Variants in RAD51B observed in about 807,000 individuals in gnomAD.
RAD51B encodes DNA repair protein RAD51 homolog 2.
Under a neutral mutation model 42.2 loss-of-function variants are expected in RAD51B, and 38 were observed. That is an observed-to-expected ratio of 0.90 (90% CI 0.70 to 1.18). The LOEUF is 1.18. RAD51B is among the 50% of genes most tolerant of loss of function. RAD51B has a pLI of 0.00. For missense variants in RAD51B, 373 were observed against 400.7 expected (o/e 0.93, Z 0.59); for synonymous variants, 154 against 145.2 (o/e 1.06, Z -0.43).
At chr14:67,934,959 C>A (rs921973192) in intron 7 of RAD51B, among the ~76,000 whole-genome samples, 3 of 152,234 alleles carry the variant, frequency 2.0e-5, no homozygotes, top group Non-Finnish European at 4.4e-5. Context: ...ACCATACTCT[C>A]CTCTGCTATA....
intron 4 of RAD51B, among the ~76,000 whole-genome samples, chr14:67,836,769 T>A (rs1402943120): frequency 6.6e-6 from 1 of 152,142 alleles, no homozygotes; most frequent in Non-Finnish European, 1.5e-5. Context: ...CTGGCCAACC[T>A]TTTGGAGGAA....
intron 7 of RAD51B, among the ~76,000 whole-genome samples, chr14:68,200,196 A>G (rs1206387954): frequency 6.6e-6 from 1 of 152,030 alleles, no homozygotes; most frequent in Non-Finnish European, 1.5e-5. Context: ...TTTTTTAATC[A>G]TTTCTTTTGT....
chr14:68,423,193 T>TATAA (rs1409353263), intron 9 of RAD51B, among the ~76,000 whole-genome samples: 2 of 152,226 alleles, frequency 1.3e-5, no homozygotes, highest in Non-Finnish European at 2.9e-5. Flanking sequence ...ACTGGGATTA[T>TATAA]GATCTGTGAT....
intron 11 of RAD51B, among the ~76,000 whole-genome samples, chr14:68,664,936 C>T (rs1893002734): frequency 6.6e-6 from 1 of 152,182 alleles, no homozygotes; most frequent in Non-Finnish European, 1.5e-5. Context: ...CCAATGTGCC[C>T]CACTCCTATT....
intron 7 of RAD51B, among the ~76,000 whole-genome samples, chr14:68,158,779 T>A (rs549145096): frequency 6.6e-6 from 1 of 152,330 alleles, no homozygotes; most frequent in East Asian, 1.9e-4. Context: ...CCTGAATAAT[T>A]TCCTTTTCCT....
intron 7 of RAD51B, among the ~76,000 whole-genome samples, chr14:68,280,169 T>A (rs2139620566): frequency 6.6e-6 from 1 of 152,348 alleles, no homozygotes; most frequent in South Asian, 2.1e-4. Context: ...GACTCAGTGT[T>A]TCCAACTCTA....
At chr14:67,928,181 T>C (rs886545924) in intron 7 of RAD51B, among the ~76,000 whole-genome samples, 3 of 152,152 alleles carry the variant, frequency 2.0e-5, no homozygotes, top group Non-Finnish European at 4.4e-5. Context: ...TTGATACTCA[T>C]TATGTTCAGG....
At chr14:68,517,228 G>GGGAAT (rs1332481144) in intron 10 of RAD51B, among the ~76,000 whole-genome samples, 4 of 145,736 alleles carry the variant, frequency 2.7e-5, no homozygotes, top group Non-Finnish European at 5.9e-5. Flanking sequence ...GGGAAGGGAA[G>GGGAAT]GGAAGGAAAG....
At chr14:67,842,263 C>T (rs1326929711) in intron 4 of RAD51B, among the ~76,000 whole-genome samples, 1 of 152,150 alleles carries the variant, frequency 6.6e-6, no homozygotes, top group Non-Finnish European at 1.5e-5. Flanking sequence ...TTACTAAAGT[C>T]ATTTATCAGT....
At chr14:68,336,613 C>G (rs988731299) in intron 8 of RAD51B, among the ~76,000 whole-genome samples, 6 of 152,184 alleles carry the variant, frequency 3.9e-5, no homozygotes, top group African/African-American at 1.4e-4. Flanking sequence ...CTCCAAATTC[C>G]TACATTTTGA....
intron 7 of RAD51B, among the ~76,000 whole-genome samples, chr14:68,290,871 A>T (rs2081502759): frequency 6.6e-6 from 1 of 152,016 alleles, no homozygotes; most frequent in Non-Finnish European, 1.5e-5. Flanking sequence ...CAATGGCACG[A>T]TCTAAGCTCA....
chr14:68,244,635 A>G (rs1200947893), intron 7 of RAD51B, among the ~76,000 whole-genome samples: 2 of 152,366 alleles, frequency 1.3e-5, no homozygotes, highest in African/African-American at 4.8e-5. Flanking sequence ...TGTTGCAAGC[A>G]ATTGGTAGTC....
At chr14:68,123,465 C>T (rs1183664721) in intron 7 of RAD51B, among the ~76,000 whole-genome samples, 1 of 151,944 alleles carries the variant, frequency 6.6e-6, no homozygotes, top group Non-Finnish European at 1.5e-5. Context: ...GTGTTGAGAT[C>T]GCAGGCATGA....
chr14:67,830,501 C>T (rs2040999716), intron 3 of RAD51B, among the ~76,000 whole-genome samples: 2 of 151,886 alleles, frequency 1.3e-5, no homozygotes, highest in South Asian at 4.2e-4. Context: ...TTCTGGGTTC[C>T]AGCAATTCTT....
At chr14:68,202,667 C>G (rs1400617297) in intron 7 of RAD51B, among the ~76,000 whole-genome samples, 6 of 142,098 alleles carry the variant, frequency 4.2e-5, no homozygotes, top group Non-Finnish European at 9.0e-5. Flanking sequence ...ACCGCAGCCT[C>G]TGCTTCCCGG....
chr14:67,903,150 G>A (rs866659871), intron 7 of RAD51B, among the ~76,000 whole-genome samples: 1 of 152,110 alleles, frequency 6.6e-6, no homozygotes. Context: ...GAGCCACCGC[G>A]CCTGGCCTGA....
chr14:68,472,549 A>G (rs2086152489), intron 10 of RAD51B, among the ~76,000 whole-genome samples: 1 of 152,226 alleles, frequency 6.6e-6, no homozygotes, highest in South Asian at 2.1e-4. Context: ...GAGGATTTGT[A>G]AAAGAAAAGC....
intron 7 of RAD51B, among the ~76,000 whole-genome samples, chr14:67,902,438 T>C (rs2140095071): frequency 6.6e-6 from 1 of 152,308 alleles, no homozygotes; most frequent in Admixed American, 6.5e-5. Context: ...ATTTGAACAA[T>C]GAATCAGAAT....
intron 3 of RAD51B, among the ~76,000 whole-genome samples, chr14:67,829,278 T>G (rs1179949142): frequency 6.6e-6 from 1 of 151,880 alleles, no homozygotes; most frequent in African/African-American, 2.4e-5. Context: ...AGTCTTGCTC[T>G]GTCGCCGAGG....
Sources: gnomAD v4.1 joint callset for allele counts (sites outside exome capture counted in the v4.1 genomes callset) on GRCh38, gnomAD v4.1.1 for gene constraint, MANE v1.5 for transcripts, NCBI Gene and HGNC (gene_info 2026-07-23, HGNC 2026-07-21) for gene names.